Variants in UNC50 observed in about 807,000 individuals in gnomAD.
The protein encoded by UNC50 is protein unc-50 homolog.
UNC50 carries 24 observed loss-of-function variants against 31.5 expected under a neutral mutation model. The observed-to-expected ratio is 0.76, with a 90% CI of 0.55 to 1.07. The LOEUF (loss-of-function observed/expected upper bound fraction) is 1.07, where lower values mean the gene tolerates loss of function less well. Among genes scored for constraint, UNC50 ranks in the 50% least tolerant of loss-of-function variants. UNC50 has a pLI of 0.00. For synonymous variants in UNC50, 118 were observed against 114.7 expected (o/e 1.03, Z -0.18); for missense variants, 245 against 304.2 (o/e 0.81, Z 1.45).
intron 1 of UNC50, 196 bp from the exon 2 acceptor site, chr2:98,609,560 G>T: frequency 1.4e-6 from 1 of 739,034 alleles, no homozygotes; most frequent in East Asian, 2.5e-5. Flanking sequence ...GCCCTTGCCT[G>T]AGGTTGCAGT....
At position 98,609,931 on chromosome 2, in the gene UNC50, A is replaced by C; in HGVS notation, c.172A>C (p.Thr58Pro). The change falls in exon 2 of 6, where the codon ACA becomes CCA. Residue 58 changes from threonine (T) to proline (P), a missense_variant. Thr to Pro is a conservative substitution (Grantham distance 38). Coordinates refer to ENST00000357765, the MANE Select transcript of UNC50 (RefSeq NM_014044.7). ...TGCCTGGCAGATGCTCTACCTGTTC[A>C]CATCCCCACAGAGAGTTTACAGAAA... ...FAAWQMLYLF[T>P]SPQRVYRNFH... 1 of 1,614,210 alleles carries C rather than the reference A, an allele frequency of 6.2e-7. No individual in the cohort carries two copies. The highest frequency in any genetic ancestry group is 8.5e-7 in the Non-Finnish European group (1 of 1,180,048).
intron 5 of UNC50, among the ~76,000 whole-genome samples, chr2:98,616,959 C>T (rs904191687): frequency 1.1e-4 from 16 of 152,164 alleles, no homozygotes; most frequent in African/African-American, 3.6e-4. Context: ...GGTCTATGAA[C>T]TGAAGTTCTC....
At chr2:98,610,088 A>C in intron 2 of UNC50, 49 bp downstream of exon 2, 2 of 1,535,098 alleles carry the variant, frequency 1.3e-6, no homozygotes, top group East Asian at 2.3e-5. Context: ...GTTTCTGATT[A>C]GATTTTTTGT....
chr2:98,615,148 C>A (rs138451180), intron 3 of UNC50, among the ~76,000 whole-genome samples: 1 of 152,220 alleles, frequency 6.6e-6, no homozygotes, highest in Non-Finnish European at 1.5e-5. Flanking sequence ...CTGCTTCTTA[C>A]TATTTCATCC....
chr2:98,614,604 C>G (rs140909977), intron 3 of UNC50, among the ~76,000 whole-genome samples: 18 of 152,304 alleles, frequency 1.2e-4, no homozygotes, highest in Non-Finnish European at 2.4e-4. Flanking sequence ...GAAGGCACAT[C>G]TGTCTTTCAG....
At chr2:98,615,368 T>C (rs1488838918) in intron 3 of UNC50, among the ~76,000 whole-genome samples, 1 of 152,170 alleles carries the variant, frequency 6.6e-6, no homozygotes, top group Non-Finnish European at 1.5e-5. Context: ...ATCTTCAACA[T>C]AACAGGTCCA....
In UNC50 at chr2:98,618,357, C is replaced by T. The variant is rs1418718519; in HGVS notation, c.*53C>T. 3.3e-6 allele frequency: 5 copies of T among 1,499,254 alleles called. No homozygotes were observed. The African/African-American group carries it at 5.7e-5, about 17-fold the overall frequency. The allele number at this position is 1,499,254 out of a possible 1,614,324, so 92.9% of individuals were successfully genotyped here. ...TGTGTCAACAGTATTGTGAAGTGAT[C>T]ATTTCTTGTAAAACTTGTAAATAAA... On this transcript the variant is annotated 3_prime_UTR_variant, in exon 6 of 6. Coordinates refer to ENST00000357765, the MANE Select transcript of UNC50 (RefSeq NM_014044.7).
intron 3 of UNC50, among the ~76,000 whole-genome samples, chr2:98,615,392 G>A (rs1434512061): frequency 2.0e-5 from 3 of 152,002 alleles, no homozygotes; most frequent in Admixed American, 6.6e-5. Context: ...TCAAACTTCC[G>A]CACACTCCTT....
intron 5 of UNC50, 38 bp from the exon 6 acceptor site, chr2:98,618,130 T>TA: frequency 2.7e-6 from 4 of 1,478,326 alleles, no homozygotes; most frequent in South Asian, 1.3e-5. Context: ...TTTATTTTTT[T>TA]TTTTTTTTAA....
chr2:98,608,843 C>T (rs778575001), intron 1 of UNC50, 117 bp downstream of exon 1: 17 of 251,082 alleles, frequency 6.8e-5, no homozygotes, highest in South Asian at 5.7e-4. Flanking sequence ...TGTCGGCGTC[C>T]GGCCCCTCGG....
At chr2:98,617,493 T>G (rs950993935) in intron 5 of UNC50, among the ~76,000 whole-genome samples, 4 of 152,222 alleles carry the variant, frequency 2.6e-5, no homozygotes, top group Non-Finnish European at 5.9e-5. Flanking sequence ...AAGTGGTTAT[T>G]TGAACACTCC....
At chr2:98,611,763 T>TCTGCATTTGTCAATAGAGACCACTTC (rs1480232456) in intron 3 of UNC50, among the ~76,000 whole-genome samples, 6 of 152,250 alleles carry the variant, frequency 3.9e-5, no homozygotes, top group Middle Eastern at 3.2e-3. Flanking sequence ...AGCATGGTTT[T>TCTGCATTTGTCAATAGAGACCACTTC]CTGCATTTGT....
In UNC50 at chr2:98,616,256, G is replaced by C. The variant is rs895486658; in HGVS notation, c.451G>C (p.Val151Leu). The C allele has an allele frequency of 5.6e-6, 9 of 1,614,142 alleles. No individual in the cohort carries two copies. Among genetic ancestry groups the C allele is most frequent in the Non-Finnish European group, 7.6e-6 (9 of 1,180,002 alleles). Residue 151 changes from valine to leucine, a missense_variant, in exon 4 of 6, where the codon GTG becomes CTG. Transcript: ENST00000357765. ...GAAACGACAGAGCAGAGACTATGAT[G>C]TGGAATGGGGCTATGCTTTTGATGT... ...LVKRQSRDYD[V>L]EWGYAFDVHL...
At chr2:98,612,156 G>A (rs1428877321) in intron 3 of UNC50, among the ~76,000 whole-genome samples, 2 of 152,172 alleles carry the variant, frequency 1.3e-5, no homozygotes, top group Non-Finnish European at 2.9e-5. Flanking sequence ...TAGAGGACCA[G>A]TGGTTGGGTA....
intron 3 of UNC50, among the ~76,000 whole-genome samples, chr2:98,611,782 A>G (rs1195561496): frequency 6.6e-6 from 1 of 152,156 alleles, no homozygotes; most frequent in Non-Finnish European, 1.5e-5. Context: ...GTCAATAGAG[A>G]CCACTTCTTG....
chr2:98,611,671 T>C (rs931282166), intron 3 of UNC50, among the ~76,000 whole-genome samples: 6 of 152,222 alleles, frequency 3.9e-5, no homozygotes, highest in Non-Finnish European at 5.9e-5. Flanking sequence ...TCCCGAGATT[T>C]ATTTTCTGCA....
rs74262322 is a variant in UNC50, at chr2:98,612,713, C to G, written c.401+1818C>G. Among the ~76,000 whole-genome samples, 165 of 152,306 alleles carry G rather than the reference C, an allele frequency of 1.1e-3. 3 individuals are homozygous for G. The East Asian group carries it at 0.019, about 17-fold the overall frequency. ...CGTGAGCCACCGCGCCCAGCCAATACCACCCTTTTACAGGCATAGTTCAGA... is the reference window on the plus strand; with the variant it reads ...CGTGAGCCACCGCGCCCAGCCAATAGCACCCTTTTACAGGCATAGTTCAGA... On this transcript the variant is annotated intron_variant, in intron 3 of 5. Transcript: ENST00000357765.
At chr2:98,611,847 A>T (rs1414849311) in intron 3 of UNC50, among the ~76,000 whole-genome samples, 1 of 152,114 alleles carries the variant, frequency 6.6e-6, no homozygotes, top group African/African-American at 2.4e-5. Flanking sequence ...GTGGAGTCTT[A>T]CTTTGAATCT....
rs557534877 is a variant in UNC50 at position 98,618,059 on chromosome 2, C to T, written c.644-109C>T. ...CATCATCTTACTGATTCAAAATATG[C>T]ATTCCCTTCCACCCCACATGTTGAA... On this transcript the variant is annotated intron_variant, in intron 5 of 5. Transcript: ENST00000357765. The T allele has an allele frequency of 1.0e-4, 116 of 1,144,604 alleles. No individual in the cohort carries two copies. The South Asian group carries it at 1.8e-3, about 17-fold the overall frequency. The allele number at this position is 1,144,604 out of a possible 1,614,324, so 70.9% of individuals were successfully genotyped here.
Sources: gnomAD v4.1 joint callset for allele counts (sites outside exome capture counted in the v4.1 genomes callset) on GRCh38, gnomAD v4.1.1 for gene constraint, MANE v1.5 for transcripts, NCBI Gene and HGNC (gene_info 2026-07-23, HGNC 2026-07-21) for gene names.